Variants in TBPL2 observed in about 807,000 individuals in gnomAD.
The protein encoded by TBPL2 is TATA-box binding protein like 2, also known as TATA box-binding protein-like 2.
A neutral mutation model predicts 38.2 loss-of-function variants in TBPL2; 40 were observed. That is an observed-to-expected ratio of 1.05 (90% CI 0.81 to 1.36). TBPL2 has a LOEUF of 1.36. Among genes scored for constraint, TBPL2 ranks in the 40% most tolerant of loss-of-function variants. The pLI is 0.00. For missense variants in TBPL2, 461 were observed against 456.7 expected (o/e 1.01, Z -0.09); for synonymous variants, 169 against 171.7 (o/e 0.98, Z 0.12).
At chr14:55,428,662 A>G in intron 5 of TBPL2, 145 bp downstream of exon 5, 1 of 841,802 alleles carries the variant, frequency 1.2e-6, no homozygotes, top group Non-Finnish European at 1.8e-6. Context: ...GAACTCAGGC[A>G]TAGCATCTTA....
At chr14:55,440,307 T>A (rs8020152) in intron 1 of TBPL2, 89 bp downstream of exon 1, 750,224 of 1,484,644 alleles carry the variant, frequency 0.51, 191,754 homozygotes, top group Admixed American at 0.66. Flanking sequence ...ATGGTCGCTA[T>A]GAGTTTTAAG....
At chr14:55,437,345 G>A (rs1489578469) in intron 1 of TBPL2, among the ~76,000 whole-genome samples, 6 of 152,232 alleles carry the variant, frequency 3.9e-5, no homozygotes. Flanking sequence ...GAGCATGGTA[G>A]TGCCTGCCTG....
chr14:55,434,925 T>A (rs890912873), intron 3 of TBPL2, among the ~76,000 whole-genome samples: 1 of 151,946 alleles, frequency 6.6e-6, no homozygotes, highest in Non-Finnish European at 1.5e-5. Flanking sequence ...GTCTTACTCA[T>A]CTTTGTACTC....
rs114745571 is a variant in TBPL2 at position 55,432,468 on chromosome 14, T to G, written c.788+1162A>C. Reference sequence around the variant, plus strand: ...ACAAAAAAAACACCATAAAATACCATAAACAGTAATCTGAGAAAAAATATT... The same window carrying G: ...ACAAAAAAAACACCATAAAATACCAGAAACAGTAATCTGAGAAAAAATATT... On this transcript the variant is annotated intron_variant, in intron 4 of 6. Coordinates refer to ENST00000247219, the Ensembl canonical transcript of TBPL2. Among the ~76,000 whole-genome samples, 1,181 of 132,690 alleles carry G rather than the reference T, an allele frequency of 8.9e-3. 9 individuals are homozygous for G. Among genetic ancestry groups the G allele is most frequent in the African/African-American group, 0.029 (913 of 31,222 alleles). 87.0% of individuals were successfully genotyped at this position (132,690 alleles called of 152,430 possible).
At chr14:55,422,813 G>A (rs1165045865) in intron 6 of TBPL2, among the ~76,000 whole-genome samples, 3 of 151,984 alleles carry the variant, frequency 2.0e-5, no homozygotes, top group South Asian at 2.1e-4. Context: ...AGATCGCGCC[G>A]CCATAGTCCA....
Position 55,414,281 on chromosome 14 carries a change from G to T in TBPL2, c.*98C>A, listed in dbSNP as rs570064213. 4.3e-6 allele frequency: 4 copies of T among 926,884 alleles called. No individual in the cohort carries two copies. In the South Asian group the frequency reaches 6.6e-5, roughly 15 times the overall value. 57.4% of individuals were successfully genotyped at this position (926,884 alleles called of 1,614,324 possible). A position where few individuals can be genotyped will look rare whatever the true frequency, so the allele number is the denominator to read the frequency against. On this transcript the variant is annotated 3_prime_UTR_variant, in exon 7 of 7. Transcript: ENST00000247219. ...TCGCCCTTTAATAAGTAACGTACTT[G>T]TAACATCTACAATTAAACGTAGAAG... is the stretch of plus-strand genomic sequence containing the variant.
At chr14:55,438,286 G>A (rs1285765886) in intron 1 of TBPL2, among the ~76,000 whole-genome samples, 2 of 152,168 alleles carry the variant, frequency 1.3e-5, no homozygotes, top group East Asian at 1.9e-4. Flanking sequence ...GGTGGCAGGG[G>A]TGACTAATTG....
intron 4 of TBPL2, among the ~76,000 whole-genome samples, chr14:55,432,698 A>G (rs80040481): frequency 0.065 from 9,875 of 152,302 alleles, 366 homozygotes; most frequent in Non-Finnish European, 0.085. Context: ...CAGTGTCCAC[A>G]GGATAAAATG....
intron 3 of TBPL2, 78 bp from the exon 4 acceptor site, chr14:55,433,799 T>C (rs1338995974): frequency 1.5e-6 from 2 of 1,325,878 alleles, no homozygotes; most frequent in African/African-American, 2.9e-5. Context: ...GAGCTGAATA[T>C]GAAAATCTCA....
intron 1 of TBPL2, chr14:55,438,941 C>A (rs954994553): frequency 8.6e-5 from 9 of 104,132 alleles, no homozygotes; most frequent in African/African-American, 3.8e-4. Flanking sequence ...TGCTCTCTTG[C>A]CTTTTTTTTT....
chr14:55,429,509 A>G (rs1885888577), intron 4 of TBPL2, among the ~76,000 whole-genome samples: 1 of 152,166 alleles, frequency 6.6e-6, no homozygotes, highest in Non-Finnish European at 1.5e-5. Context: ...CACGCCTGTA[A>G]TCCCAGCACT....
chr14:55,439,918 G>A (rs1482071826), intron 1 of TBPL2, among the ~76,000 whole-genome samples: 7 of 46,804 alleles, frequency 1.5e-4, no homozygotes, highest in Admixed American at 1.2e-3. Flanking sequence ...GTGACAGAGC[G>A]AGACTCTGTC....
At chr14:55,432,573 T>C (rs1236622645) in intron 4 of TBPL2, among the ~76,000 whole-genome samples, 1 of 150,018 alleles carries the variant, frequency 6.7e-6, no homozygotes, top group East Asian at 1.9e-4. Flanking sequence ...GCAAATGACA[T>C]AGCAATTTCT....
At chr14:55,437,121 G>GT (rs1295386603) in intron 1 of TBPL2, 103 bp from the exon 2 acceptor site, 11 of 989,984 alleles carry the variant, frequency 1.1e-5, no homozygotes, top group Non-Finnish European at 1.7e-5. Flanking sequence ...TGTATTCAGT[G>GT]TAAGAGGCAG....
At chr14:55,424,652 T>C (rs1885793721) in intron 5 of TBPL2, among the ~76,000 whole-genome samples, 1 of 152,236 alleles carries the variant, frequency 6.6e-6, no homozygotes. Flanking sequence ...TGTATGCTTT[T>C]ACGAACTGCT....
At chr14:55,421,549 T>C (rs1411867594) in intron 6 of TBPL2, among the ~76,000 whole-genome samples, 2 of 152,180 alleles carry the variant, frequency 1.3e-5, no homozygotes, top group Non-Finnish European at 2.9e-5. Flanking sequence ...CTGCAGCCTC[T>C]GCCTCCCAGG....
At chr14:55,417,821 G>A (rs1436567122) in intron 6 of TBPL2, among the ~76,000 whole-genome samples, 1 of 152,204 alleles carries the variant, frequency 6.6e-6, no homozygotes, top group Non-Finnish European at 1.5e-5. Flanking sequence ...TAACCTTGGT[G>A]ACTAAGGTGA....
intron 5 of TBPL2, among the ~76,000 whole-genome samples, chr14:55,427,776 T>C (rs955066729): frequency 6.6e-6 from 1 of 151,856 alleles, no homozygotes; most frequent in Non-Finnish European, 1.5e-5. Flanking sequence ...GCTAGAGATA[T>C]TCCCTAGGAA....
intron 3 of TBPL2, 29 bp from the exon 4 acceptor site, chr14:55,433,750 C>T: frequency 1.9e-6 from 3 of 1,603,850 alleles, no homozygotes; most frequent in Non-Finnish European, 2.6e-6. Context: ...AGAGAATTAG[C>T]CTCTGCTAGG....
Sources: gnomAD v4.1 joint callset for allele counts (sites outside exome capture counted in the v4.1 genomes callset) on GRCh38, gnomAD v4.1.1 for gene constraint, MANE v1.5 for transcripts, NCBI Gene and HGNC (gene_info 2026-07-23, HGNC 2026-07-21) for gene names.